SNRNP70: variants seen among roughly 807,000 people sequenced by gnomAD.
The protein encoded by SNRNP70 is U1 small nuclear ribonucleoprotein 70 kDa.
Under a neutral mutation model 50.5 loss-of-function variants are expected in SNRNP70, and 8 were observed. That is an observed-to-expected ratio of 0.16 (90% CI 0.09 to 0.29). The LOEUF (loss-of-function observed/expected upper bound fraction) is 0.29. SNRNP70 is among the 10% of genes least tolerant of loss of function. The probability of loss-of-function intolerance (pLI) is 1.00; values close to 1 mark genes in which losing one functional copy is unlikely to be tolerated. For missense variants in SNRNP70, 529 were observed against 663.5 expected, an observed-to-expected ratio of 0.80 and a Z score of 2.23; for synonymous variants, 320 against 252.9, an observed-to-expected ratio of 1.27 and a Z score of -2.52.
Position 49,098,122 on chromosome 19 carries a change from G to C in SNRNP70, c.266-305G>C, listed in dbSNP as rs542831250. On this transcript the variant is annotated intron_variant, in intron 4 of 9. Transcript: ENST00000598441. ...GCATCTGGGAGCGATAGGGCCCTTA[G>C]GGTTTATGTAGGTCTGAAATGGCAG... 3.3e-5 allele frequency among the ~76,000 whole-genome samples: 5 copies of C among 152,322 alleles called. No individual in the cohort carries two copies. In the South Asian group the frequency reaches 1.0e-3, roughly 32 times the overall value.
Position 49,107,985 on chromosome 19 carries a change from C to G in SNRNP70, c.856C>G (p.Arg286Gly). ...RSRERSKDKD[R>G]DRKRRSSRSR... The stretch of plus-strand genomic sequence containing the variant: ...CAGGGAGCGGAGCAAGGACAAGGAC[C>G]GGGACCGGAAGCGGCGAAGCAGCCG... The change falls in exon 10 of 10, where the codon CGG becomes GGG. Residue 286 changes from arginine to glycine, a missense_variant. Transcript: ENST00000598441. This position sits in a 1 kb window ranked among gnomAD's most constrained non-coding sequence, Gnocchi z 6.0. The G allele has an allele frequency of 6.5e-7, 1 of 1,547,878 alleles. No homozygotes were observed. Among genetic ancestry groups the G allele is most frequent in the Non-Finnish European group, 8.7e-7 (1 of 1,146,110 alleles).
chr19:49,108,467 G>A lies in SNRNP70; in HGVS notation c.*24G>A, dbSNP rs377192222. 41 of 1,568,524 alleles carry A rather than the reference G, an allele frequency of 2.6e-5. No homozygotes were observed. In the East Asian group the frequency reaches 4.8e-4, roughly 18 times the overall value. ...GAAGAGGTCGTCCTCTCCATCTGCT[G>A]TGTTTGGACGCGTTCCTGCCCAGCC... is the stretch of plus-strand genomic sequence containing the variant. On this transcript the variant is annotated 3_prime_UTR_variant, in exon 10 of 10. Transcript: ENST00000598441.
At chr19:49,085,706 G>A in intron 1 of SNRNP70, 70 bp downstream of exon 1, 1 of 450,836 alleles carries the variant, frequency 2.2e-6, no homozygotes, top group Non-Finnish European at 4.5e-6. Context: ...CGGTGGGCCC[G>A]GTCCTCTTCC....
chr19:49,107,492 G>C lies in SNRNP70; in HGVS notation c.578-133G>C. ...TGGGAGTGCGCGGGATGAACTGCAC[G>C]GGGGGACCCGGCCCTGTGAACACTA... On this transcript the variant is annotated intron_variant, in intron 8 of 9. Transcript: ENST00000598441. The surrounding 1 kb of genome is among the most constrained non-coding windows in gnomAD (Gnocchi z 6.0). 1.3e-6 allele frequency: 1 copy of C among 766,736 alleles called. No homozygotes were observed. The highest frequency in any genetic ancestry group is 2.2e-6 in the Non-Finnish European group (1 of 453,088). 47.5% of individuals were successfully genotyped at this position (766,736 alleles called of 1,614,324 possible).
rs1568424522 is a variant in SNRNP70 at position 49,107,980 on chromosome 19, A to AGGACCG, written c.859_864dup (p.Asp287_Arg288dup). ...CGCTCCAGGGAGCGGAGCAAGGACA[A>AGGACCG]GGACCGGGACCGGAAGCGGCGAAGC... On this transcript the variant is annotated inframe_insertion, in exon 10 of 10. Coordinates refer to ENST00000598441, the MANE Select transcript of SNRNP70 (RefSeq NM_003089.6). The surrounding 1 kb of genome is among the most constrained non-coding windows in gnomAD (Gnocchi z 6.0). The AGGACCG allele has an allele frequency of 6.5e-7, 1 of 1,547,740 alleles. No individual in the cohort carries two copies.
chr19:49,101,743 G>A (rs992591295), intron 7 of SNRNP70: 3 of 480,892 alleles, frequency 6.2e-6, no homozygotes, highest in African/African-American at 3.9e-5. Context: ...GGAACTGGGT[G>A]GGGGGCTGGG....
chr19:49,086,232 C>T (rs910683346), intron 1 of SNRNP70, among the ~76,000 whole-genome samples, 173 bp from the exon 2 acceptor site: 2 of 152,194 alleles, frequency 1.3e-5, no homozygotes, highest in East Asian at 1.9e-4. Flanking sequence ...ACCTCCACCC[C>T]CACCAAGACG....
intron 4 of SNRNP70, among the ~76,000 whole-genome samples, chr19:49,093,066 C>A (rs1001225610): frequency 6.6e-6 from 1 of 151,358 alleles, no homozygotes; most frequent in Non-Finnish European, 1.5e-5. Context: ...AGGTGTGAGC[C>A]ACCATGCCCA....
At chr19:49,102,014 G>A (rs2040594897) in intron 7 of SNRNP70, 5 of 520,398 alleles carry the variant, frequency 9.6e-6, no homozygotes, top group South Asian at 3.1e-5. Context: ...TGAGGCTGCC[G>A]CGGCGTCCAC....
intron 1 of SNRNP70, 128 bp from the exon 2 acceptor site, chr19:49,086,277 C>T (rs2040378260): frequency 1.9e-6 from 2 of 1,073,904 alleles, no homozygotes; most frequent in Non-Finnish European, 2.7e-6. Context: ...CTGTTCTCTG[C>T]CCTTACAGAG....
chr19:49,098,755 C>T (rs747896304), intron 6 of SNRNP70, 51 bp downstream of exon 6: 3 of 1,458,820 alleles, frequency 2.1e-6, no homozygotes, highest in South Asian at 1.1e-5. Context: ...GGAGGAGGGG[C>T]TGTATCCTGA....
chr19:49,087,028 A>G (rs1221481911), intron 2 of SNRNP70, among the ~76,000 whole-genome samples: 1 of 152,034 alleles, frequency 6.6e-6, no homozygotes, highest in African/African-American at 2.4e-5. Context: ...TCTGCTAAAA[A>G]TAACAAAAAT....
At chr19:49,090,848 C>G (rs1213225803) in intron 4 of SNRNP70, among the ~76,000 whole-genome samples, 2 of 152,134 alleles carry the variant, frequency 1.3e-5, no homozygotes, top group Admixed American at 6.5e-5. Context: ...TGTCCTGGCT[C>G]TAACCTTAGG....
In SNRNP70 at chr19:49,095,069, G is replaced by A. The variant is rs553811493; in HGVS notation, c.266-3358G>A. On this transcript the variant is annotated intron_variant, in intron 4 of 9. Transcript: ENST00000598441. The stretch of plus-strand genomic sequence containing the variant: ...TGGGGCGCTGCCCGGCATTGGGTCT[G>A]TGCTACCTTCTTTGAGCTTTTGTTC... Among the ~76,000 whole-genome samples, 10 of 152,380 alleles carry A rather than the reference G, an allele frequency of 6.6e-5. No individual in the cohort carries two copies. The South Asian group carries it at 2.1e-3, about 32-fold the overall frequency.
chr19:49,101,579 G>A (rs535472921), intron 7 of SNRNP70, 108 bp downstream of exon 7: 6 of 734,798 alleles, frequency 8.2e-6, no homozygotes, highest in Admixed American at 2.0e-5. Flanking sequence ...TGACATTAGC[G>A]ATGTCTCTTC....
chr19:49,089,656 ATTTTTTTT>A (rs71179085), intron 2 of SNRNP70, among the ~76,000 whole-genome samples: 9 of 82,584 alleles, frequency 1.1e-4, no homozygotes, highest in Admixed American at 3.4e-4. Flanking sequence ...TTGAGACAGG[ATTTTTTTT>A]TTTTTTTTTT....
At position 49,107,782 on chromosome 19, in the gene SNRNP70, C is replaced by A; in HGVS notation, c.666-13C>A. 1 of 1,610,396 alleles carries A rather than the reference C, an allele frequency of 6.2e-7. No homozygotes were observed. Among genetic ancestry groups the A allele is most frequent in the Non-Finnish European group, 8.5e-7 (1 of 1,178,800 alleles). ...GGGGAGCCCAGCCACACAGGTCTGC[C>A]CACCTCATCCAGGCCCGGCCCCTCC... On this transcript the variant is annotated splice_polypyrimidine_tract_variant and intron_variant, in intron 9 of 9. Transcript: ENST00000598441. The surrounding 1 kb of genome is among the most constrained non-coding windows in gnomAD (Gnocchi z 6.0).
intron 4 of SNRNP70, among the ~76,000 whole-genome samples, chr19:49,091,004 C>G (rs2040440658): frequency 6.6e-6 from 1 of 152,146 alleles, no homozygotes; most frequent in African/African-American, 2.4e-5. Context: ...AAAGTGAAAA[C>G]TGTACAGTCA....
chr19:49,092,084 G>C (rs1409725599), intron 4 of SNRNP70, among the ~76,000 whole-genome samples: 1 of 151,948 alleles, frequency 6.6e-6, no homozygotes, highest in Non-Finnish European at 1.5e-5. Flanking sequence ...GTCTTAACTA[G>C]TTTACCTATG....
Sources: gnomAD v4.1 joint callset for allele counts (sites outside exome capture counted in the v4.1 genomes callset) on GRCh38, gnomAD v4.1.1 for gene constraint, Gnocchi (gnomAD v3.1) non-coding constraint, MANE v1.5 for transcripts, NCBI Gene and HGNC (gene_info 2026-07-23, HGNC 2026-07-21) for gene names.